Variants in PDLIM2 observed in about 807,000 individuals in gnomAD.
PDLIM2 encodes PDZ and LIM domain 2.
In PDLIM2, 51 loss-of-function variants were observed where a neutral mutation model predicts 54.1. The observed-to-expected ratio is 0.94, with a 90% CI of 0.75 to 1.19. The LOEUF (loss-of-function observed/expected upper bound fraction) is 1.19. Ranked by LOEUF, PDLIM2 falls within the 50% of genes most tolerant of loss-of-function variation. The pLI, the probability that PDLIM2 is intolerant of heterozygous loss-of-function variation, is 0.00. For missense variants in PDLIM2, 912 were observed against 874.0 expected, an observed-to-expected ratio of 1.04 and a Z score of -0.55; for synonymous variants, 398 against 385.6, an observed-to-expected ratio of 1.03 and a Z score of -0.38.
At position 22,589,683 on chromosome 8, in the gene PDLIM2, C is replaced by T. The variant is rs551562059; in HGVS notation, c.1455C>T (p.Ala485=). The change falls in exon 8 of 10, where the codon GCC becomes GCT. Residue 485 remains alanine (A), a synonymous_variant. Transcript: ENST00000308354. ...AGGAAAATCGCGAGGGACGGGCGGC[C>T]CCCCGACAGTCCAGCTCCTTTCGGC... 25 of 1,575,458 alleles carry T rather than the reference C, an allele frequency of 1.6e-5. No individual in the cohort carries two copies. In the African/African-American group the frequency reaches 3.1e-4, roughly 20 times the overall value.
chr8:22,591,761 TCAGGGGCTAG>T, intron 9 of PDLIM2, 93 bp downstream of exon 8: 3 of 1,209,194 alleles, frequency 2.5e-6, no homozygotes, highest in South Asian at 3.0e-5. Context: ...GCCGGGCCCA[TCAGGGGCTAG>T]CACTGGGTAC....
In PDLIM2 at chr8:22,582,840, A is replaced by G. The variant is rs576013051; in HGVS notation, c.995+1310A>G. Among the ~76,000 whole-genome samples, 466 of 151,842 alleles carry G rather than the reference A, an allele frequency of 3.1e-3. 3 individuals carry two copies. Among genetic ancestry groups the G allele is most frequent in the African/African-American group, 0.011 (445 of 41,394 alleles). ...CGTGATCCACTTGCCTCAGCCTCCC[A>G]AAGTGCTGGGATTACAGGTATTACA... is the stretch of plus-strand genomic sequence containing the variant. On this transcript the variant is annotated intron_variant, in intron 3 of 9. Transcript: ENST00000308354.
exon 10 of PDLIM2, chr8:22,594,166 T>G: frequency 7.1e-7 from 1 of 1,414,744 alleles, no homozygotes; most frequent in Non-Finnish European, 9.2e-7. Context: ...TTGATCAACC[T>G]TTGTGTGCGA....
exon 1 of PDLIM2, chr8:22,579,386 G>A (rs1299041111): frequency 6.7e-7 from 1 of 1,500,748 alleles, no homozygotes; most frequent in Non-Finnish European, 8.8e-7. Context: ...CTCCCCGGCC[G>A]GAGCGCTCCT....
At chr8:22,580,417 G>A in intron 1 of PDLIM2, 58 bp from the exon 1 acceptor site, 14 of 1,380,140 alleles carry the variant, frequency 1.0e-5, no homozygotes, top group Non-Finnish European at 1.3e-5. Context: ...CCAGGGTGGG[G>A]GGAAGTGAAA....
intron 9 of PDLIM2, chr8:22,592,124 C>A (rs1800571725): frequency 7.3e-6 from 1 of 136,492 alleles, no homozygotes; most frequent in African/African-American, 2.9e-5. Context: ...TTCTGTTGCC[C>A]AGGCAGGAGT....
exon 1 of PDLIM2, chr8:22,579,363 C>T (rs1800124141): frequency 4.1e-6 from 6 of 1,477,036 alleles, no homozygotes; most frequent in Non-Finnish European, 4.5e-6. Context: ...GGGGCGCCCC[C>T]GCGAGCTGCG....
intron 6 of PDLIM2, 170 bp from the exon 6 acceptor site, chr8:22,589,128 G>C (rs1028541156): frequency 1.9e-6 from 1 of 540,464 alleles, no homozygotes; most frequent in African/African-American, 2.2e-5. Context: ...GTCGGCGAGG[G>C]CTGGGAGCCC....
chr8:22,585,486 C>G, intron 6 of PDLIM2, 87 bp downstream of exon 5: 2 of 1,315,200 alleles, frequency 1.5e-6, no homozygotes, highest in South Asian at 1.3e-5. Flanking sequence ...CTGCAGGCGG[C>G]CAGGCCCACC....
At chr8:22,593,577 CAAAAAAA>C (rs59345957) in intron 9 of PDLIM2, 149 bp from the exon 9 acceptor site, 117,863 of 386,844 alleles carry the variant, frequency 0.3, 6,575 homozygotes, top group Admixed American at 0.37. Flanking sequence ...AACTCCATCT[CAAAAAAA>C]AAAAAAAAAA....
rs138869970 is a variant in PDLIM2 at position 22,581,783 on chromosome 8, C to T, written c.995+253C>T. 8.1e-3 allele frequency among the ~76,000 whole-genome samples: 1,229 copies of T among 152,346 alleles called. 11 individuals are homozygous for T. The highest frequency in any genetic ancestry group is 0.024 in the African/African-American group (982 of 41,576). The stretch of plus-strand genomic sequence containing the variant: ...GCAGTCACAGGCTGGGCAGGGCGAG[C>T]TGGCACCAGCCACCTTGAAGCCCGG... On this transcript the variant is annotated intron_variant, in intron 3 of 9. Coordinates refer to ENST00000308354, the Ensembl canonical transcript of PDLIM2.
chr8:22,586,791 G>A (rs1017697263), intron 6 of PDLIM2, among the ~76,000 whole-genome samples: 5 of 152,108 alleles, frequency 3.3e-5, no homozygotes, highest in African/African-American at 1.2e-4. Context: ...GAAAATGAAG[G>A]GTGTGGGAGG....
intron 6 of PDLIM2, chr8:22,589,056 C>T: frequency 1.7e-6 from 1 of 580,294 alleles, no homozygotes. Flanking sequence ...TGCCTCCCTC[C>T]CTCTCTGGAC....
intron 6 of PDLIM2, among the ~76,000 whole-genome samples, chr8:22,586,691 G>A (rs1285593450): frequency 2.6e-5 from 4 of 152,140 alleles, no homozygotes; most frequent in African/African-American, 4.8e-5. Context: ...TCTGTTCCGC[G>A]ACACCTCTGG....
chr8:22,579,150 G>C, exon 1 of PDLIM2: 7 of 1,322,178 alleles, frequency 5.3e-6, no homozygotes, highest in Non-Finnish European at 5.8e-6. Context: ...AGACGGCAGC[G>C]GGAGCGGTGG....
intron 3 of PDLIM2, among the ~76,000 whole-genome samples, chr8:22,583,636 G>C (rs1800277421): frequency 6.6e-6 from 1 of 151,756 alleles, no homozygotes; most frequent in South Asian, 2.1e-4. Context: ...CATGCTAGTG[G>C]GCACCTGTAG....
At chr8:22,587,247 G>A (rs1800405176) in intron 6 of PDLIM2, among the ~76,000 whole-genome samples, 1 of 152,108 alleles carries the variant, frequency 6.6e-6, no homozygotes, top group Non-Finnish European at 1.5e-5. Flanking sequence ...GAGAATCACT[G>A]TGTAGCTGGG....
At chr8:22,584,712 G>A (rs1563863776) in intron 3 of PDLIM2, 109 bp from the exon 3 acceptor site, 25 of 1,034,062 alleles carry the variant, frequency 2.4e-5, no homozygotes, top group Middle Eastern at 2.1e-4. Context: ...CAAATTTTCT[G>A]TAGCTTTTAC....
intron 1 of PDLIM2, 119 bp from the exon 1 acceptor site, chr8:22,580,356 T>G: frequency 1.1e-6 from 1 of 895,164 alleles, no homozygotes; most frequent in Non-Finnish European, 1.6e-6. Context: ...CTCCTGGGAG[T>G]CGCTCCCTGG....
Sources: gnomAD v4.1 joint callset for allele counts (sites outside exome capture counted in the v4.1 genomes callset) on GRCh38, gnomAD v4.1.1 for gene constraint, MANE v1.5 for transcripts, NCBI Gene and HGNC (gene_info 2026-07-23, HGNC 2026-07-21) for gene names.